Variants in CACNB4 observed in about 807,000 individuals in gnomAD.
The protein encoded by CACNB4 is voltage-dependent L-type calcium channel subunit beta-4.
CACNB4 carries 32 observed loss-of-function variants against 71.2 expected under a neutral mutation model. The ratio of observed to expected loss-of-function variants is 0.45; its 90% CI spans 0.34 to 0.60. The LOEUF (loss-of-function observed/expected upper bound fraction) is 0.60. CACNB4 is among the 20% of genes least tolerant of loss of function. The probability of loss-of-function intolerance (pLI) is 0.01; values close to 1 mark genes in which losing one functional copy is unlikely to be tolerated. For synonymous variants in CACNB4, 231 were observed against 236.9 expected, an observed-to-expected ratio of 0.97 and a Z score of 0.23; for missense variants, 464 against 647.9, an observed-to-expected ratio of 0.72 and a Z score of 3.08.
intron 2 of CACNB4, among the ~76,000 whole-genome samples, chr2:151,990,558 C>T (rs1176150476): frequency 6.6e-6 from 1 of 152,182 alleles, no homozygotes; most frequent in Non-Finnish European, 1.5e-5. Flanking sequence ...TGCACTGTTG[C>T]TTCCTTAACA....
At chr2:151,855,067 GA>G (rs1380563606) in intron 11 of CACNB4, 156 bp downstream of exon 11, 3 of 459,518 alleles carry the variant, frequency 6.5e-6, no homozygotes, top group African/African-American at 3.9e-5. Flanking sequence ...TTCACTATCT[GA>G]AAATTCATAG....
intron 10 of CACNB4, 164 bp downstream of exon 10, chr2:151,860,547 C>T: frequency 1.6e-6 from 1 of 640,962 alleles, no homozygotes. Flanking sequence ...CTCGCTACTG[C>T]AAGACTCTGC....
chr2:151,896,602 TAC>T (rs1321315165), intron 2 of CACNB4, among the ~76,000 whole-genome samples: 1 of 152,178 alleles, frequency 6.6e-6, no homozygotes, highest in Non-Finnish European at 1.5e-5. Context: ...TTTGGAGTGG[TAC>T]AGGCCCATAC....
chr2:152,098,757 G>T lies in CACNB4; in HGVS notation c.63+192C>A. 7.0e-7 allele frequency: 1 copy of T among 1,423,368 alleles called. No individual in the cohort carries two copies. The highest frequency in any genetic ancestry group is 9.6e-7 in the Non-Finnish European group (1 of 1,042,858). 88.2% of individuals were successfully genotyped at this position (1,423,368 alleles called of 1,614,324 possible). The stretch of plus-strand genomic sequence containing the variant: ...ACCCGAAGGAGGGTGAGGAGGAGGA[G>T]GAAGAGAAGGAGGAGAAAGAGGAGG... On this transcript the variant is annotated intron_variant, in intron 1 of 13. Transcript: ENST00000539935. The surrounding 1 kb of genome is among the most constrained non-coding windows in gnomAD (Gnocchi z 5.3).
At chr2:151,862,404 T>C (rs1041985693) in intron 9 of CACNB4, among the ~76,000 whole-genome samples, 4 of 152,234 alleles carry the variant, frequency 2.6e-5, no homozygotes, top group African/African-American at 7.2e-5. Flanking sequence ...TGTGTCATTA[T>C]GTTTATATGC....
intron 2 of CACNB4, among the ~76,000 whole-genome samples, chr2:152,035,594 T>A (rs532465606): frequency 6.9e-5 from 10 of 144,922 alleles, no homozygotes; most frequent in Non-Finnish European, 3.0e-5. Flanking sequence ...TCTCCCTCTC[T>A]CTCTCTCTTT....
At chr2:151,863,364 C>T (rs1186581618) in intron 9 of CACNB4, among the ~76,000 whole-genome samples, 1 of 152,128 alleles carries the variant, frequency 6.6e-6, no homozygotes, top group Non-Finnish European at 1.5e-5. Context: ...CCATGCTCAG[C>T]GATGTGTGTT....
At chr2:151,869,945 A>T (rs1307461978) in intron 8 of CACNB4, 2 of 468,516 alleles carry the variant, frequency 4.3e-6, no homozygotes, top group Non-Finnish European at 7.5e-6. Flanking sequence ...AAGCTAGCAC[A>T]AAGTCAAAAC....
chr2:151,935,159 C>A (rs1000300046), intron 2 of CACNB4, among the ~76,000 whole-genome samples: 4 of 152,178 alleles, frequency 2.6e-5, no homozygotes, highest in African/African-American at 7.2e-5. Flanking sequence ...AATAATGACT[C>A]ACTTGCATAG....
At chr2:152,086,587 T>G (rs1242182340) in intron 2 of CACNB4, among the ~76,000 whole-genome samples, 2 of 152,230 alleles carry the variant, frequency 1.3e-5, no homozygotes, top group African/African-American at 4.8e-5. Flanking sequence ...GGAAATGTTA[T>G]AATTACCAAA....
rs2099835140 is a variant in CACNB4, at chr2:151,837,474, TG to T, written c.*1644del. Reference sequence around the variant, plus strand: ...TTGAGTGCCTGAATACTGAAAGGCTTGGGGAGAAAAGAAGATACTATAAAAT... The same window carrying T: ...TTGAGTGCCTGAATACTGAAAGGCTTGGGAGAAAAGAAGATACTATAAAAT... On this transcript the variant is annotated 3_prime_UTR_variant, in exon 14 of 14. Coordinates refer to ENST00000539935, the MANE Select transcript of CACNB4 (RefSeq NM_000726.5). 1 of 151,960 alleles carries T rather than the reference TG, an allele frequency of 6.6e-6. No individual in the cohort carries two copies. Among genetic ancestry groups the T allele is most frequent in the African/African-American group, 2.4e-5 (1 of 41,414 alleles). 9.4% of individuals were successfully genotyped at this position (151,960 alleles called of 1,614,324 possible).
rs1225895963 is a variant in CACNB4 at position 152,098,902 on chromosome 2, G to C, written c.63+47C>G. 2 of 1,308,538 alleles carry C rather than the reference G, an allele frequency of 1.5e-6. No individual in the cohort carries two copies. Among genetic ancestry groups the C allele is most frequent in the Non-Finnish European group, 2.1e-6 (2 of 966,004 alleles). The allele number at this position is 1,308,538 out of a possible 1,614,324, so 81.1% of individuals were successfully genotyped here. A position where few individuals can be genotyped will look rare whatever the true frequency, so the allele number is the denominator to read the frequency against. On this transcript the variant is annotated intron_variant, in intron 1 of 13. Transcript: ENST00000539935. This position sits in a 1 kb window ranked among gnomAD's most constrained non-coding sequence, Gnocchi z 5.3. The stretch of plus-strand genomic sequence containing the variant: ...CGCGCTAGGGCGGCGGAGGAGGTGT[G>C]AGGAAGGAAGAGGAGGAAGAGGAGA...
At chr2:151,894,151 ACT>A (rs2099851426) in intron 2 of CACNB4, among the ~76,000 whole-genome samples, 2 of 152,246 alleles carry the variant, frequency 1.3e-5, no homozygotes, top group South Asian at 2.1e-4. Context: ...ACAGATCAAA[ACT>A]CTGTCTCTAA....
chr2:151,955,664 G>A (rs781625181), intron 2 of CACNB4, among the ~76,000 whole-genome samples: 23 of 152,064 alleles, frequency 1.5e-4, no homozygotes, highest in Non-Finnish European at 2.9e-4. Context: ...AGGCTGAGGC[G>A]GGAGGCTGAG....
At chr2:151,973,666 T>C in intron 2 of CACNB4, 1 of 1,613,186 alleles carries the variant, frequency 6.2e-7, no homozygotes, top group African/African-American at 1.3e-5. Context: ...TGAAAATACT[T>C]ACAGCCTCCG....
At position 151,906,486 on chromosome 2, in the gene CACNB4, C is replaced by T. The variant is rs201555753; in HGVS notation, c.148-23116G>A. The stretch of plus-strand genomic sequence containing the variant: ...GGGTAAGAGCCTAAGAGCAGTTACT[C>T]TATCTATGAAGCCACTAACTTCCTT... On this transcript the variant is annotated intron_variant, in intron 2 of 13. Coordinates refer to ENST00000539935, the MANE Select transcript of CACNB4 (RefSeq NM_000726.5). 1.7e-4 allele frequency among the ~76,000 whole-genome samples: 26 copies of T among 152,306 alleles called. No homozygotes were observed. The East Asian group carries it at 5.0e-3, about 29-fold the overall frequency.
At chr2:152,088,681 T>C (rs1687805851) in intron 2 of CACNB4, among the ~76,000 whole-genome samples, 1 of 152,248 alleles carries the variant, frequency 6.6e-6, no homozygotes, top group Non-Finnish European at 1.5e-5. Flanking sequence ...AAAAATTCAG[T>C]AGCCGTCGAA....
chr2:151,922,882 C>T (rs2099859314), intron 2 of CACNB4, among the ~76,000 whole-genome samples: 1 of 152,198 alleles, frequency 6.6e-6, no homozygotes, highest in African/African-American at 2.4e-5. Context: ...GTAGTCAATA[C>T]TGAGCGTTTG....
intron 4 of CACNB4, among the ~76,000 whole-genome samples, chr2:151,878,924 A>G (rs1299111561): frequency 2.6e-5 from 4 of 152,238 alleles, no homozygotes; most frequent in Non-Finnish European, 5.9e-5. Flanking sequence ...AAAAATAAAA[A>G]AGAAAAGAAA....
Sources: gnomAD v4.1 joint callset for allele counts (sites outside exome capture counted in the v4.1 genomes callset) on GRCh38, gnomAD v4.1.1 for gene constraint, Gnocchi (gnomAD v3.1) non-coding constraint, MANE v1.5 for transcripts, NCBI Gene and HGNC (gene_info 2026-07-23, HGNC 2026-07-21) for gene names.